The following SLC39A11 variants were observed in gnomAD, a reference collection of about 807,000 sequenced individuals.
The protein encoded by SLC39A11 is solute carrier family 39 member 11, also known as zinc transporter ZIP11.
SLC39A11 carries 33 observed loss-of-function variants against 36.1 expected under a neutral mutation model. That is an observed-to-expected ratio of 0.91 (90% confidence interval 0.69 to 1.22). The LOEUF (loss-of-function observed/expected upper bound fraction) is 1.22, where lower values mean the gene tolerates loss of function less well. Among genes scored for constraint, SLC39A11 ranks in the 50% most tolerant of loss-of-function variants. The probability of loss-of-function intolerance (pLI) is 0.00; values close to 1 mark genes in which losing one functional copy is unlikely to be tolerated. For missense variants in SLC39A11, 432 were observed against 430.3 expected (o/e 1.00, Z -0.03); for synonymous variants, 166 against 170.3 (o/e 0.97, Z 0.20).
intron 2 of SLC39A11, among the ~76,000 whole-genome samples, chr17:73,085,066 G>C (rs958064744): frequency 6.6e-6 from 1 of 152,190 alleles, no homozygotes; most frequent in Non-Finnish European, 1.5e-5. Context: ...GTTCTTTCAA[G>C]TGGTGCTTGG....
rs1027044361 is a variant in SLC39A11 at position 72,863,575 on chromosome 17, G to A, written c.431-13771C>T. On this transcript the variant is annotated intron_variant, in intron 5 of 9. Coordinates refer to ENST00000255559, the MANE Select transcript of SLC39A11 (RefSeq NM_139177.4). ...CGTTTTCTTGAAGTTTAATATTAGAGTCTACCCCATAAACCACCTCAAGTG... is the reference window on the plus strand; with the variant it reads ...CGTTTTCTTGAAGTTTAATATTAGAATCTACCCCATAAACCACCTCAAGTG... 5.3e-5 allele frequency among the ~76,000 whole-genome samples: 8 copies of A among 152,082 alleles called. No homozygotes were observed. In the South Asian group the frequency reaches 1.7e-3, roughly 32 times the overall value.
At chr17:72,688,613 G>A (rs1598349069) in intron 7 of SLC39A11, among the ~76,000 whole-genome samples, 2 of 152,322 alleles carry the variant, frequency 1.3e-5, no homozygotes, top group East Asian at 3.9e-4. Context: ...GAGATCCTTA[G>A]GGCATGAGCA....
chr17:72,954,228 T>C (rs1306151187), intron 4 of SLC39A11, among the ~76,000 whole-genome samples: 1 of 152,160 alleles, frequency 6.6e-6, no homozygotes, highest in Non-Finnish European at 1.5e-5. Flanking sequence ...GTATTTTTAG[T>C]AGAAACAGGG....
intron 7 of SLC39A11, among the ~76,000 whole-genome samples, chr17:72,661,723 C>A (rs571707306): frequency 6.6e-6 from 1 of 152,140 alleles, no homozygotes; most frequent in African/African-American, 2.4e-5. Context: ...TGGCTTAGCA[C>A]GCAAGGGATC....
chr17:72,738,156 T>A (rs983101727), intron 6 of SLC39A11, among the ~76,000 whole-genome samples: 1 of 152,010 alleles, frequency 6.6e-6, no homozygotes, highest in African/African-American at 2.4e-5. Flanking sequence ...AGGCGCCCGC[T>A]ACCACGCCCG....
intron 3 of SLC39A11, among the ~76,000 whole-genome samples, chr17:73,033,974 C>T (rs1248704385): frequency 6.6e-6 from 1 of 152,182 alleles, no homozygotes; most frequent in East Asian, 1.9e-4. Context: ...CTCCAAAACT[C>T]TAAGAATGAA....
At chr17:73,039,502 A>C (rs1306649864) in intron 3 of SLC39A11, among the ~76,000 whole-genome samples, 1 of 152,226 alleles carries the variant, frequency 6.6e-6, no homozygotes, top group African/African-American at 2.4e-5. Context: ...TTGCTAATGA[A>C]GGGGAGGAAC....
intron 6 of SLC39A11, among the ~76,000 whole-genome samples, chr17:72,832,332 C>A (rs78599760): frequency 6.6e-6 from 1 of 152,222 alleles, no homozygotes; most frequent in East Asian, 1.9e-4. Flanking sequence ...AGGGGCTTCA[C>A]ACACATACTG....
intron 7 of SLC39A11, among the ~76,000 whole-genome samples, chr17:72,673,369 C>T (rs549789988): frequency 1.3e-5 from 2 of 152,166 alleles, no homozygotes; most frequent in African/African-American, 2.4e-5. Flanking sequence ...TCCCAAAGTG[C>T]TGGGATTACA....
At chr17:73,089,345 G>T (rs958369676) in intron 1 of SLC39A11, among the ~76,000 whole-genome samples, 1 of 152,088 alleles carries the variant, frequency 6.6e-6, no homozygotes, top group African/African-American at 2.4e-5. Context: ...ATGCCTGCAC[G>T]AGCACCCAAC....
At chr17:72,979,948 G>T (rs927989304) in intron 4 of SLC39A11, among the ~76,000 whole-genome samples, 3 of 152,134 alleles carry the variant, frequency 2.0e-5, no homozygotes, top group South Asian at 4.2e-4. Context: ...CCAAAATGGT[G>T]CATCCTTCTC....
At position 72,999,103 on chromosome 17, in the gene SLC39A11, C is replaced by T. The variant is rs561888015; in HGVS notation, c.306+32453G>A. On this transcript the variant is annotated intron_variant, in intron 4 of 9. Coordinates refer to ENST00000255559, the MANE Select transcript of SLC39A11 (RefSeq NM_139177.4). Reference sequence around the variant, plus strand: ...GTGACGTAAGCACGGCCCTACATCCCATCCTCACCAAAAGGAGGATGGTGG... The same window carrying T: ...GTGACGTAAGCACGGCCCTACATCCTATCCTCACCAAAAGGAGGATGGTGG... 3.5e-4 allele frequency among the ~76,000 whole-genome samples: 54 copies of T among 152,292 alleles called. No individual in the cohort carries two copies. The South Asian group carries it at 6.0e-3, about 17-fold the overall frequency.
intron 6 of SLC39A11, among the ~76,000 whole-genome samples, chr17:72,775,227 G>A (rs1453611116): frequency 2.6e-5 from 4 of 152,128 alleles, no homozygotes; most frequent in Non-Finnish European, 4.4e-5. Flanking sequence ...GAGCACCACT[G>A]AGGACCCCCT....
chr17:72,713,964 A>G (rs924000023), intron 7 of SLC39A11, among the ~76,000 whole-genome samples: 2 of 152,204 alleles, frequency 1.3e-5, no homozygotes, highest in African/African-American at 4.8e-5. Flanking sequence ...CCAGCTGGTA[A>G]ATAATAACGT....
chr17:72,798,921 G>A (rs1568111417), intron 6 of SLC39A11, among the ~76,000 whole-genome samples: 1 of 152,088 alleles, frequency 6.6e-6, no homozygotes, highest in Non-Finnish European at 1.5e-5. Flanking sequence ...AGGCCCAGAT[G>A]TAGAGAATTG....
At position 73,054,403 on chromosome 17, in the gene SLC39A11, C is replaced by T. The variant is rs148648233; in HGVS notation, c.148-22689G>A. Among the ~76,000 whole-genome samples, 872 of 151,842 alleles carry T rather than the reference C, an allele frequency of 5.7e-3. 8 individuals carry two copies. The highest frequency in any genetic ancestry group is 0.02 in the African/African-American group (838 of 41,396). Reference sequence around the variant, plus strand: ...AAAAAAAAAACTCTAATGCACACGCCACATTTATTCAACATTCACTTTAAA... The same window carrying T: ...AAAAAAAAAACTCTAATGCACACGCTACATTTATTCAACATTCACTTTAAA... On this transcript the variant is annotated intron_variant, in intron 3 of 9. Coordinates refer to ENST00000255559, the MANE Select transcript of SLC39A11 (RefSeq NM_139177.4).
At chr17:73,059,712 A>AT (rs932815630) in intron 3 of SLC39A11, among the ~76,000 whole-genome samples, 13 of 151,832 alleles carry the variant, frequency 8.6e-5, no homozygotes, top group Non-Finnish European at 1.9e-4. Context: ...AAGGAAAAAA[A>AT]AGATATGTTT....
intron 6 of SLC39A11, among the ~76,000 whole-genome samples, chr17:72,822,308 G>A (rs953223241): frequency 6.8e-6 from 1 of 147,052 alleles, no homozygotes; most frequent in African/African-American, 2.5e-5. Context: ...TATATATAGA[G>A]AGATATAATA....
intron 6 of SLC39A11, among the ~76,000 whole-genome samples, chr17:72,773,836 T>C (rs955330751): frequency 3.9e-5 from 6 of 152,166 alleles, no homozygotes; most frequent in African/African-American, 1.4e-4. Context: ...ATATTCAGGC[T>C]TAGCCACAGA....
Sources: gnomAD v4.1 joint callset for allele counts (sites outside exome capture counted in the v4.1 genomes callset) on GRCh38, gnomAD v4.1.1 for gene constraint, MANE v1.5 for transcripts, NCBI Gene and HGNC (gene_info 2026-07-23, HGNC 2026-07-21) for gene names.